Variants in ZNF875 observed in about 807,000 individuals in gnomAD.
ZNF875 encodes zinc finger protein 875, also known as HKR1, GLI-Kruppel zinc finger family member.
ZNF875 carries 14 observed loss-of-function variants against 11.2 expected under a neutral mutation model. The ratio of observed to expected loss-of-function variants is 1.26; its 90% confidence interval spans 0.83 to 1.96. ZNF875 has a LOEUF of 1.96. Ranked by LOEUF, ZNF875 falls within the 30% of genes most tolerant of loss-of-function variation. The pLI is 0.00. For synonymous variants in ZNF875, 301 were observed against 281.1 expected, an observed-to-expected ratio of 1.07 and a Z score of -0.71; for missense variants, 752 against 760.4, an observed-to-expected ratio of 0.99 and a Z score of 0.13.
chr19:37,317,377 G>A (rs1297558108), upstream of ZNF875, among the ~76,000 whole-genome samples: 1 of 151,716 alleles, frequency 6.6e-6, no homozygotes, highest in Admixed American at 6.6e-5. Flanking sequence ...CAGTAGAGAC[G>A]GGGTTTCACC....
intron 4 of ZNF875, among the ~76,000 whole-genome samples, chr19:37,353,423 C>T (rs950185061): frequency 6.6e-6 from 1 of 152,110 alleles, no homozygotes; most frequent in African/African-American, 2.4e-5. Context: ...AATTTTTAAG[C>T]CATCGTATAG....
intron 1 of ZNF875, among the ~76,000 whole-genome samples, chr19:37,319,370 A>AT (rs2030886371): frequency 1.3e-5 from 1 of 77,134 alleles, no homozygotes; most frequent in Non-Finnish European, 2.3e-5. Flanking sequence ...TATATATATA[A>AT]TAAAAATGGT....
upstream of ZNF875, among the ~76,000 whole-genome samples, chr19:37,331,760 T>C (rs1046026723): frequency 2.1e-5 from 3 of 144,132 alleles, no homozygotes; most frequent in African/African-American, 7.4e-5. Context: ...GTCTGAAAGA[T>C]GGCCTCGTGG....
intron 4 of ZNF875, among the ~76,000 whole-genome samples, chr19:37,353,270 T>G (rs2038269365): frequency 6.6e-6 from 1 of 152,228 alleles, no homozygotes; most frequent in Non-Finnish European, 1.5e-5. Context: ...ATATGTATTT[T>G]TAACTTAAAC....
rs144017676 is a variant in ZNF875 at position 37,363,337 on chromosome 19, G to T, written c.1485G>T (p.Thr495=). ...RGFTRKSTLS[T]HQRTHSGEKP... ...TTACCCGGAAATCAACCCTGAGCAC[G>T]CACCAGAGGACACACTCAGGGGAGA... Residue 495 remains threonine (T), a synonymous_variant, in exon 5 of 5, where the codon ACG becomes ACT. Transcript: ENST00000392153. 16 of 1,605,098 alleles carry T rather than the reference G, an allele frequency of 1.0e-5. No individual in the cohort carries two copies. In the Admixed American group the frequency reaches 2.5e-4, roughly 26 times the overall value.
chr19:37,334,392 C>A (rs1293421762), upstream of ZNF875, among the ~76,000 whole-genome samples: 1 of 152,246 alleles, frequency 6.6e-6, no homozygotes, highest in African/African-American at 2.4e-5. Flanking sequence ...TTTGCAGAAT[C>A]CTTCGGCAGT....
Position 37,363,603 on chromosome 19 carries a change from G to C in ZNF875, c.1751G>C (p.Gly584Ala), listed in dbSNP as rs768556501. ...TLIKHQRAHA[G>A]GKPHVCRECG... ...ATTAAACACCAGAGAGCACACGCAG[G>C]GGGGAAGCCTCATGTGTGCAGGGAG... is the stretch of plus-strand genomic sequence containing the variant. The change falls in exon 5 of 5, where the codon GGG becomes GCG. Residue 584 changes from glycine (G) to alanine (A), a missense_variant. Gly to Ala is a moderately conservative substitution (Grantham distance 60). Transcript: ENST00000392153. 46 of 1,613,690 alleles carry C rather than the reference G, an allele frequency of 2.9e-5. No individual in the cohort carries two copies. The Admixed American group carries it at 5.3e-4, about 19-fold the overall frequency.
intron 2 of ZNF875, among the ~76,000 whole-genome samples, chr19:37,343,326 G>C (rs2036127213): frequency 6.7e-6 from 1 of 148,774 alleles, no homozygotes; most frequent in African/African-American, 2.5e-5. Context: ...CTAGGTGTCA[G>C]AGTGAGACTA....
chr19:37,347,668 A>G, intron 3 of ZNF875, 109 bp from the exon 4 acceptor site: 2 of 714,156 alleles, frequency 2.8e-6, no homozygotes, highest in Non-Finnish European at 5.0e-6. Flanking sequence ...AGAACTATTC[A>G]TAGGTCTTTT....
At chr19:37,357,830 T>A (rs1161324140) in intron 4 of ZNF875, 1 of 395,288 alleles carries the variant, frequency 2.5e-6, no homozygotes, top group East Asian at 3.6e-5. Flanking sequence ...ACAGAGATAA[T>A]TTGACTCCCT....
chr19:37,316,670 T>TTTC (rs1358457231), upstream of ZNF875, among the ~76,000 whole-genome samples: 3 of 106,296 alleles, frequency 2.8e-5, no homozygotes, highest in African/African-American at 7.4e-5. Context: ...GCGCCCGGCC[T>TTTC]ATTTTATTTT....
At chr19:37,361,926 A>AAC (rs2039998331) in intron 4 of ZNF875, 183 bp from the exon 5 acceptor site, 3 of 170,870 alleles carry the variant, frequency 1.8e-5, no homozygotes, top group Non-Finnish European at 2.6e-5. Context: ...AAAAAAAAAC[A>AAC]AAAAAACAAA....
intron 4 of ZNF875, among the ~76,000 whole-genome samples, chr19:37,361,292 G>C (rs2146686569): frequency 6.6e-6 from 1 of 152,064 alleles, no homozygotes; most frequent in Admixed American, 6.6e-5. Flanking sequence ...TCTATTTTTA[G>C]TGGAGACAGG....
chr19:37,328,012 C>T (rs1318911897), intron 4 of ZNF875, among the ~76,000 whole-genome samples: 6 of 152,040 alleles, frequency 3.9e-5, no homozygotes, highest in Non-Finnish European at 8.8e-5. Flanking sequence ...GAGGCCAAGG[C>T]GGGCGGATCA....
intron 2 of ZNF875, among the ~76,000 whole-genome samples, chr19:37,341,437 G>C (rs2035700509): frequency 6.6e-6 from 1 of 152,114 alleles, no homozygotes; most frequent in African/African-American, 2.4e-5. Context: ...GTTTCTTCTT[G>C]GTTCTCTTCC....
intron 4 of ZNF875, chr19:37,358,090 G>A: frequency 3.4e-6 from 1 of 292,518 alleles, no homozygotes; most frequent in Non-Finnish European, 6.1e-6. Flanking sequence ...ATGAAGGGGT[G>A]TTGGATTTTA....
At chr19:37,352,180 T>C (rs1280139006) in intron 4 of ZNF875, among the ~76,000 whole-genome samples, 1 of 152,162 alleles carries the variant, frequency 6.6e-6, no homozygotes, top group Non-Finnish European at 1.5e-5. Flanking sequence ...ATACCGCTTG[T>C]CTTCAGGTCT....
intron 2 of ZNF875, chr19:37,344,747 G>C: frequency 3.7e-6 from 6 of 1,608,878 alleles, no homozygotes; most frequent in Non-Finnish European, 5.1e-6. Context: ...GACAAACCAT[G>C]AGTTGTTCCG....
chr19:37,323,161 T>C (rs976889092), intron 2 of ZNF875, among the ~76,000 whole-genome samples: 15 of 86,000 alleles, frequency 1.7e-4, no homozygotes, highest in African/African-American at 8.9e-4. Context: ...TGATATTTCC[T>C]TTTTTTTTTT....
Sources: gnomAD v4.1 joint callset for allele counts (sites outside exome capture counted in the v4.1 genomes callset) on GRCh38, gnomAD v4.1.1 for gene constraint, MANE v1.5 for transcripts, NCBI Gene and HGNC (gene_info 2026-07-23, HGNC 2026-07-21) for gene names.